ASTN2: variants seen among roughly 807,000 people sequenced by gnomAD.
ASTN2 encodes astrotactin 2, also known as astrotactin-2.
Under a neutral mutation model 139.8 loss-of-function variants are expected in ASTN2, and 54 were observed. That is an observed-to-expected ratio of 0.39 (90% CI 0.31 to 0.48). The LOEUF is 0.48. ASTN2 is among the 20% of genes least tolerant of loss of function. The pLI, the probability that ASTN2 is intolerant of heterozygous loss-of-function variation, is 0.95. For synonymous variants in ASTN2, 756 were observed against 719.5 expected (o/e 1.05, Z -0.81); for missense variants, 1,565 against 1,725.1 (o/e 0.91, Z 1.64).
intron 16 of ASTN2, among the ~76,000 whole-genome samples, chr9:116,676,009 A>G (rs1180524924): frequency 1.3e-5 from 2 of 152,196 alleles, no homozygotes; most frequent in Non-Finnish European, 2.9e-5. Context: ...TTCCCTAAGC[A>G]GCATATTGGG....
chr9:116,760,916 G>C (rs1330273494), intron 13 of ASTN2, among the ~76,000 whole-genome samples: 1 of 152,290 alleles, frequency 6.6e-6, no homozygotes, highest in African/African-American at 2.4e-5. Flanking sequence ...TCAAGGGTTG[G>C]GGGAGGAGGG....
At chr9:117,149,780 T>A (rs113817512) in intron 3 of ASTN2, among the ~76,000 whole-genome samples, 2,092 of 152,310 alleles carry the variant, frequency 0.014, 28 homozygotes, top group Non-Finnish European at 0.023. Flanking sequence ...ATGACTAGAA[T>A]AAATTTAAAA....
chr9:116,675,194 C>T (rs1859432791), intron 16 of ASTN2, among the ~76,000 whole-genome samples: 1 of 152,144 alleles, frequency 6.6e-6, no homozygotes, highest in East Asian at 1.9e-4. Flanking sequence ...TGGGGTACTG[C>T]TGATCCAATG....
intron 13 of ASTN2, among the ~76,000 whole-genome samples, chr9:116,745,509 A>G (rs778530138): frequency 2.6e-5 from 4 of 152,164 alleles, no homozygotes; most frequent in Non-Finnish European, 4.4e-5. Flanking sequence ...TCTGATCTCA[A>G]GATCACCAAC....
intron 6 of ASTN2, among the ~76,000 whole-genome samples, chr9:117,033,505 G>A (rs1004200774): frequency 6.6e-6 from 1 of 152,084 alleles, no homozygotes; most frequent in African/African-American, 2.4e-5. Flanking sequence ...AGCTTAAAAT[G>A]TTTAAGTAAC....
At chr9:116,666,717 C>A (rs1858883786) in intron 16 of ASTN2, among the ~76,000 whole-genome samples, 1 of 151,750 alleles carries the variant, frequency 6.6e-6, no homozygotes, top group Non-Finnish European at 1.5e-5. Flanking sequence ...ACAAAAGGAG[C>A]CTGTAAGACA....
intron 7 of ASTN2, among the ~76,000 whole-genome samples, chr9:116,994,224 G>A (rs917030227): frequency 6.6e-6 from 1 of 152,056 alleles, no homozygotes; most frequent in African/African-American, 2.4e-5. Context: ...TTCTGATGTT[G>A]TAGCACAAAA....
intron 17 of ASTN2, among the ~76,000 whole-genome samples, chr9:116,648,293 C>T (rs977077510): frequency 3.9e-5 from 6 of 152,218 alleles, no homozygotes; most frequent in African/African-American, 1.2e-4. Flanking sequence ...AGTCACCGCA[C>T]TTGGCCTAAT....
chr9:116,669,136 C>T (rs1859039184), intron 16 of ASTN2, among the ~76,000 whole-genome samples: 2 of 152,186 alleles, frequency 1.3e-5, no homozygotes, highest in Non-Finnish European at 2.9e-5. Context: ...GTCAGTTCAC[C>T]ATTGCCATGG....
intron 13 of ASTN2, among the ~76,000 whole-genome samples, chr9:116,768,922 T>C (rs1829884809): frequency 6.6e-6 from 1 of 152,240 alleles, no homozygotes; most frequent in Non-Finnish European, 1.5e-5. Flanking sequence ...ATCTATGCTC[T>C]GGTGACTACT....
chr9:116,764,618 T>C (rs1038606219), intron 13 of ASTN2, among the ~76,000 whole-genome samples: 3 of 152,218 alleles, frequency 2.0e-5, no homozygotes, highest in African/African-American at 7.2e-5. Context: ...TTAACCTCTT[T>C]CTGTGGATAA....
At chr9:116,831,011 C>A (rs1171250505) in intron 11 of ASTN2, among the ~76,000 whole-genome samples, 9 of 151,824 alleles carry the variant, frequency 5.9e-5, no homozygotes, top group Admixed American at 5.9e-4. Flanking sequence ...ACTACTAGGG[C>A]ATAAAAAAGA....
intron 1 of ASTN2, among the ~76,000 whole-genome samples, chr9:117,294,880 T>TGTC (rs145119370): frequency 0.071 from 10,753 of 152,224 alleles, 1,313 homozygotes; most frequent in African/African-American, 0.25. Flanking sequence ...ACCTATGAGC[T>TGTC]GTCTTCTTCT....
At chr9:116,551,306 C>G (rs1439532671) in intron 19 of ASTN2, among the ~76,000 whole-genome samples, 1 of 152,190 alleles carries the variant, frequency 6.6e-6, no homozygotes, top group Non-Finnish European at 1.5e-5. Flanking sequence ...CTCCTCTCAG[C>G]CTGGTCTACC....
rs572318101 is a variant in ASTN2 at position 116,670,510 on chromosome 9, C to T, written c.2807-18717G>A. Among the ~76,000 whole-genome samples the T allele has an allele frequency of 2.6e-5, 4 of 152,234 alleles. No individual in the cohort carries two copies. In the East Asian group the frequency reaches 7.7e-4, roughly 29 times the overall value. ...CATTTTCCTATTCTTCAAAATAAAA[C>T]AGAAGAATAGATAAGCAGTGACATG... On this transcript the variant is annotated intron_variant, in intron 16 of 22. Coordinates refer to ENST00000313400, the MANE Select transcript of ASTN2 (RefSeq NM_001365068.1).
In ASTN2 at chr9:117,363,817, A is replaced by G. The variant is rs1394902346; in HGVS notation, c.442+50680T>C. On this transcript the variant is annotated intron_variant, in intron 1 of 22. Transcript: ENST00000313400. ...CATTAAAGACCTCGTATCACCAGCCATCTCTCCTTATTTCATGCAGTCATG... is the reference window on the plus strand; with the variant it reads ...CATTAAAGACCTCGTATCACCAGCCGTCTCTCCTTATTTCATGCAGTCATG... Among the ~76,000 whole-genome samples the G allele has an allele frequency of 3.9e-5, 6 of 152,078 alleles. No homozygotes were observed. The South Asian group carries it at 1.2e-3, about 32-fold the overall frequency.
chr9:117,318,429 G>A (rs1333924514), intron 1 of ASTN2, among the ~76,000 whole-genome samples: 2 of 152,184 alleles, frequency 1.3e-5, no homozygotes, highest in Non-Finnish European at 2.9e-5. Flanking sequence ...TACAAATTCT[G>A]TGGGGTTCCC....
intron 3 of ASTN2, among the ~76,000 whole-genome samples, chr9:117,177,570 G>C (rs370077309): frequency 6.6e-6 from 1 of 152,070 alleles, no homozygotes; most frequent in East Asian, 1.9e-4. Context: ...AATATTTTCA[G>C]TGTAAAACTC....
At chr9:116,624,217 C>T (rs1165027565) in intron 17 of ASTN2, among the ~76,000 whole-genome samples, 1 of 152,142 alleles carries the variant, frequency 6.6e-6, no homozygotes, top group Non-Finnish European at 1.5e-5. Flanking sequence ...TGTTACTTTC[C>T]TTTTTGAACT....
Sources: allele counts gnomAD v4.1 joint callset (sites outside exome capture counted in the v4.1 genomes callset), GRCh38; gene constraint gnomAD v4.1.1; transcripts MANE v1.5; gene names NCBI Gene and HGNC (gene_info 2026-07-23, HGNC 2026-07-21).